WDR72: variants seen among roughly 807,000 people sequenced by gnomAD.
WDR72 encodes WD repeat-containing protein 72.
WDR72 carries 120 observed loss-of-function variants against 124.2 expected under a neutral mutation model. The observed-to-expected ratio is 0.97, with a 90% CI of 0.83 to 1.12. WDR72 has a LOEUF of 1.12. Ranked by LOEUF, WDR72 falls within the 50% of genes most tolerant of loss-of-function variation. WDR72 has a pLI of 0.00. For missense variants in WDR72, 1,387 were observed against 1,278.8 expected, an observed-to-expected ratio of 1.08 and a Z score of -1.29; for synonymous variants, 452 against 441.7, an observed-to-expected ratio of 1.02 and a Z score of -0.29.
intron 14 of WDR72, among the ~76,000 whole-genome samples, chr15:53,641,349 G>A (rs767950208): frequency 7.9e-5 from 12 of 151,826 alleles, no homozygotes; most frequent in Non-Finnish European, 1.6e-4. Flanking sequence ...ATTTTACTGT[G>A]TGTGTATTTG....
At position 53,667,130 on chromosome 15, in the gene WDR72, C is replaced by T. The variant is rs564717817; in HGVS notation, c.1766-1362G>A. On this transcript the variant is annotated intron_variant, in intron 13 of 19. Coordinates refer to ENST00000360509, the MANE Select transcript of WDR72 (RefSeq NM_182758.4). ...ACTTTTGGAGCCTGAGGTGGGCAGA[C>T]TGCCTGAGTCCAGTAGTTTGAAACC... Among the ~76,000 whole-genome samples, 15 of 152,188 alleles carry T rather than the reference C, an allele frequency of 9.9e-5. No individual in the cohort carries two copies. In the South Asian group the frequency reaches 2.9e-3, roughly 30 times the overall value.
At chr15:53,685,126 A>G (rs1450117834) in intron 13 of WDR72, among the ~76,000 whole-genome samples, 1 of 151,286 alleles carries the variant, frequency 6.6e-6, no homozygotes, top group African/African-American at 2.4e-5. Context: ...CAGAACAGAA[A>G]AACTGGAAAC....
intron 18 of WDR72, among the ~76,000 whole-genome samples, chr15:53,591,713 C>G (rs398043082): frequency 3.9e-5 from 3 of 75,956 alleles, no homozygotes; most frequent in Admixed American, 1.5e-4. Context: ...CACACACACA[C>G]ACACACACAC....
At chr15:53,659,820 T>A (rs888751978) in intron 14 of WDR72, among the ~76,000 whole-genome samples, 10 of 152,172 alleles carry the variant, frequency 6.6e-5, no homozygotes, top group Non-Finnish European at 1.2e-4. Flanking sequence ...CATCACTTTA[T>A]GTGTTCAAAA....
At chr15:53,610,270 C>G (rs2013482312) in intron 16 of WDR72, among the ~76,000 whole-genome samples, 1 of 151,998 alleles carries the variant, frequency 6.6e-6, no homozygotes, top group Admixed American at 6.6e-5. Context: ...GAGTGTCCAG[C>G]AGTTTCCTAC....
chr15:53,541,301 C>G (rs370362043), intron 18 of WDR72, among the ~76,000 whole-genome samples: 64 of 152,264 alleles, frequency 4.2e-4, no homozygotes, highest in East Asian at 3.5e-3. Context: ...GATCTGAGAA[C>G]GGGCAGACTG....
At chr15:53,529,164 A>ATATATTTTTTTT (rs59003623) in intron 18 of WDR72, among the ~76,000 whole-genome samples, 2 of 78,166 alleles carry the variant, frequency 2.6e-5, no homozygotes, top group African/African-American at 5.0e-5. Flanking sequence ...ATATATATAT[A>ATATATTTTTTTT]TTTTTTTTTT....
At chr15:53,633,419 A>T (rs1166303005) in intron 14 of WDR72, among the ~76,000 whole-genome samples, 1 of 152,216 alleles carries the variant, frequency 6.6e-6, no homozygotes, top group African/African-American at 2.4e-5. Flanking sequence ...CTGTGAGCCA[A>T]TTAAATCTTT....
At chr15:53,762,364 A>T (rs1178970381), upstream of WDR72, among the ~76,000 whole-genome samples, 1 of 152,018 alleles carries the variant, frequency 6.6e-6, no homozygotes, top group Non-Finnish European at 1.5e-5. Flanking sequence ...ACTCCTAATT[A>T]CCTTGCTTCC....
chr15:53,680,733 T>C (rs2016351512), intron 13 of WDR72, among the ~76,000 whole-genome samples: 1 of 152,216 alleles, frequency 6.6e-6, no homozygotes, highest in African/African-American at 2.4e-5. Flanking sequence ...TGATGAACTG[T>C]AAGATGGCAT....
At chr15:53,527,639 A>G (rs189945403) in intron 18 of WDR72, among the ~76,000 whole-genome samples, 1 of 152,196 alleles carries the variant, frequency 6.6e-6, no homozygotes, top group African/African-American at 2.4e-5. Context: ...AGTAATGAGG[A>G]TATTTATAGG....
intron 18 of WDR72, among the ~76,000 whole-genome samples, chr15:53,568,160 A>T (rs957446781): frequency 3.3e-5 from 5 of 151,266 alleles, no homozygotes; most frequent in African/African-American, 1.2e-4. Context: ...AGGTAAATTT[A>T]AAAAAATTAC....
At chr15:53,558,833 T>C (rs1425291626) in intron 18 of WDR72, among the ~76,000 whole-genome samples, 3 of 152,044 alleles carry the variant, frequency 2.0e-5, no homozygotes, top group African/African-American at 7.2e-5. Flanking sequence ...TGATTTCATT[T>C]GTTTGACGGG....
intron 18 of WDR72, among the ~76,000 whole-genome samples, chr15:53,589,230 G>A (rs137935951): frequency 6.3e-4 from 95 of 151,910 alleles, no homozygotes; most frequent in South Asian, 4.2e-3. Flanking sequence ...CTGTGAGCTT[G>A]CTGTGTGTAC....
At chr15:53,687,384 C>G (rs989716299) in intron 13 of WDR72, among the ~76,000 whole-genome samples, 1 of 149,982 alleles carries the variant, frequency 6.7e-6, no homozygotes, top group Non-Finnish European at 1.5e-5. Context: ...GGGGATATCA[C>G]CACCAATCCC....
At chr15:53,735,323 G>C (rs1309727850) in intron 1 of WDR72, among the ~76,000 whole-genome samples, 3 of 152,130 alleles carry the variant, frequency 2.0e-5, no homozygotes, top group Non-Finnish European at 4.4e-5. Context: ...TAAGAAGAAT[G>C]TACAGCAACT....
rs548123006 is a variant in WDR72, at chr15:53,514,444, T to C, written c.*3255A>G. On this transcript the variant is annotated 3_prime_UTR_variant, in exon 20 of 20. Coordinates refer to ENST00000360509, the MANE Select transcript of WDR72 (RefSeq NM_182758.4). Reference sequence around the variant, plus strand: ...TACTCAATTATTATAATGTGCCCTCTAAGGATGGAAGAGAAATAGTATCTT... The same window carrying C: ...TACTCAATTATTATAATGTGCCCTCCAAGGATGGAAGAGAAATAGTATCTT... 1.4e-4 allele frequency: 22 copies of C among 152,284 alleles called. No homozygotes were observed. The highest frequency in any genetic ancestry group is 5.3e-4 in the African/African-American group (22 of 41,566). 9.4% of individuals were successfully genotyped at this position (152,284 alleles called of 1,614,324 possible).
At chr15:53,545,497 T>G (rs1416820720) in intron 18 of WDR72, among the ~76,000 whole-genome samples, 2 of 151,118 alleles carry the variant, frequency 1.3e-5, no homozygotes, top group African/African-American at 4.9e-5. Context: ...CCTTACACCT[T>G]ATACAAAAAT....
intron 18 of WDR72, among the ~76,000 whole-genome samples, chr15:53,579,119 G>A (rs2011778629): frequency 1.3e-5 from 2 of 152,108 alleles, no homozygotes. Context: ...GCCCTTTAGA[G>A]TAGACAAGTG....
Sources: gnomAD v4.1 joint callset for allele counts (sites outside exome capture counted in the v4.1 genomes callset) on GRCh38, gnomAD v4.1.1 for gene constraint, MANE v1.5 for transcripts, NCBI Gene and HGNC (gene_info 2026-07-23, HGNC 2026-07-21) for gene names.